WWOX: variants seen among roughly 807,000 people sequenced by gnomAD.
The protein encoded by WWOX is WW domain containing oxidoreductase.
WWOX carries 69 observed loss-of-function variants against 46.2 expected under a neutral mutation model. That is an observed-to-expected ratio of 1.49 (90% CI 1.23 to 1.82). The LOEUF is 1.82. Among genes scored for constraint, WWOX ranks in the 40% most tolerant of loss-of-function variants. The pLI is 0.00. For synonymous variants in WWOX, 359 were observed against 202.6 expected, an observed-to-expected ratio of 1.77 and a Z score of -6.56; for missense variants, 919 against 542.6, an observed-to-expected ratio of 1.69 and a Z score of -6.89.
At chr16:79,047,469 A>G (rs1456763969) in intron 8 of WWOX, among the ~76,000 whole-genome samples, 1 of 152,112 alleles carries the variant, frequency 6.6e-6, no homozygotes, top group Non-Finnish European at 1.5e-5. Flanking sequence ...AGGTTTATGA[A>G]AGCCTGGCAT....
At chr16:78,822,859 G>A (rs1380679417) in intron 8 of WWOX, among the ~76,000 whole-genome samples, 3 of 151,398 alleles carry the variant, frequency 2.0e-5, no homozygotes, top group South Asian at 2.1e-4. Flanking sequence ...TTGTAAATTA[G>A]GGAGGAAGAG....
chr16:79,091,777 TTG>T, intron 8 of WWOX, among the ~76,000 whole-genome samples: 1 of 135,712 alleles, frequency 7.4e-6, no homozygotes, highest in African/African-American at 2.9e-5. Flanking sequence ...TTTCTTTTCT[TTG>T]TTTTTTTTTT....
chr16:78,297,163 C>G (rs1358084422), intron 5 of WWOX, among the ~76,000 whole-genome samples: 1 of 152,160 alleles, frequency 6.6e-6, no homozygotes, highest in Non-Finnish European at 1.5e-5. Context: ...CACCCACACA[C>G]TCCTAGTCAC....
intron 4 of WWOX, among the ~76,000 whole-genome samples, chr16:78,161,379 C>G (rs1318852944): frequency 6.6e-6 from 1 of 151,904 alleles, no homozygotes; most frequent in Non-Finnish European, 1.5e-5. Flanking sequence ...TTATTTCTAT[C>G]CTTTCTTTCT....
At chr16:78,294,350 C>T (rs565486496) in intron 5 of WWOX, among the ~76,000 whole-genome samples, 5 of 152,238 alleles carry the variant, frequency 3.3e-5, no homozygotes, top group East Asian at 3.9e-4. Context: ...AACTGATGAG[C>T]CCCTTCCACT....
intron 8 of WWOX, among the ~76,000 whole-genome samples, chr16:78,601,217 G>A (rs765576049): frequency 5.3e-5 from 8 of 152,124 alleles, no homozygotes; most frequent in Admixed American, 1.3e-4. Context: ...CTTCTTCAGT[G>A]CCACCTGCCT....
At chr16:78,287,102 T>C (rs2079780962) in intron 5 of WWOX, among the ~76,000 whole-genome samples, 1 of 152,180 alleles carries the variant, frequency 6.6e-6, no homozygotes, top group African/African-American at 2.4e-5. Flanking sequence ...GACCTCAGCA[T>C]TCAGAAAAAC....
intron 8 of WWOX, among the ~76,000 whole-genome samples, chr16:79,103,468 G>T (rs1206432084): frequency 5.3e-5 from 8 of 152,106 alleles, no homozygotes; most frequent in Non-Finnish European, 1.2e-4. Flanking sequence ...TGGATTTTGT[G>T]CCTCTTCCCC....
chr16:78,194,568 A>G (rs977213696), intron 5 of WWOX, among the ~76,000 whole-genome samples: 4 of 146,910 alleles, frequency 2.7e-5, no homozygotes, highest in African/African-American at 7.7e-5. Context: ...AGGCTGGGCG[A>G]CAGAGTGAGA....
chr16:78,818,598 G>A (rs1187327364), intron 8 of WWOX, among the ~76,000 whole-genome samples: 1 of 152,178 alleles, frequency 6.6e-6, no homozygotes, highest in African/African-American at 2.4e-5. Context: ...GGGCATGGTG[G>A]TACATGCCTG....
chr16:78,508,310 CTTTTTTTTTTTTTTTT>C (rs60281450), intron 8 of WWOX, among the ~76,000 whole-genome samples: 12 of 112,794 alleles, frequency 1.1e-4, no homozygotes, highest in Non-Finnish European at 1.3e-4. Context: ...TGCGCCCGGC[CTTTTTTTTTTTTTTTT>C]TTTTTTTTTT....
intron 8 of WWOX, among the ~76,000 whole-genome samples, chr16:79,045,778 TCC>T (rs1491481821): frequency 1.4e-5 from 2 of 138,280 alleles, no homozygotes; most frequent in African/African-American, 2.7e-5. Context: ...TTTTTTCTTT[TCC>T]TTTTTTTTTT....
intron 8 of WWOX, among the ~76,000 whole-genome samples, chr16:78,695,473 T>A (rs890924871): frequency 6.6e-6 from 1 of 152,184 alleles, no homozygotes; most frequent in African/African-American, 2.4e-5. Flanking sequence ...AGCTTGTCTT[T>A]CATGATAGAA....
At chr16:78,603,094 T>C (rs1337928787) in intron 8 of WWOX, among the ~76,000 whole-genome samples, 5 of 152,246 alleles carry the variant, frequency 3.3e-5, no homozygotes, top group Admixed American at 1.3e-4. Flanking sequence ...TATTTGTTTA[T>C]TTATTTTTCC....
intron 6 of WWOX, among the ~76,000 whole-genome samples, chr16:78,392,461 A>G (rs1407650101): frequency 6.6e-6 from 1 of 152,170 alleles, no homozygotes; most frequent in African/African-American, 2.4e-5. Context: ...ACAACGTAAT[A>G]ATAATAGAAA....
chr16:78,171,068 A>G (rs1229642244), intron 5 of WWOX, among the ~76,000 whole-genome samples: 1 of 152,228 alleles, frequency 6.6e-6, no homozygotes, highest in Non-Finnish European at 1.5e-5. Flanking sequence ...ATCGGAAATA[A>G]TGACTTTAAC....
chr16:78,101,738 A>T (rs1047486438), intron 1 of WWOX, among the ~76,000 whole-genome samples: 1 of 152,198 alleles, frequency 6.6e-6, no homozygotes, highest in Admixed American at 6.5e-5. Flanking sequence ...CTTTGGTGGC[A>T]AGGTAGAGGA....
At chr16:78,976,553 G>A (rs1473086944) in intron 8 of WWOX, among the ~76,000 whole-genome samples, 2 of 152,210 alleles carry the variant, frequency 1.3e-5, no homozygotes, top group Non-Finnish European at 2.9e-5. Context: ...ATCATAGCTT[G>A]ATCTAGGTCT....
chr16:79,079,166 G>A (rs1044860797), intron 8 of WWOX, among the ~76,000 whole-genome samples: 4 of 152,112 alleles, frequency 2.6e-5, no homozygotes, highest in African/African-American at 7.2e-5. Flanking sequence ...TTAGGGACAC[G>A]GGCTCCTTCT....
Sources: gnomAD v4.1 joint callset for allele counts (sites outside exome capture counted in the v4.1 genomes callset) on GRCh38, gnomAD v4.1.1 for gene constraint, MANE v1.5 for transcripts, NCBI Gene and HGNC (gene_info 2026-07-23, HGNC 2026-07-21) for gene names.